TBCA: variants seen among roughly 807,000 people sequenced by gnomAD.
TBCA encodes tubulin-specific chaperone A.
A neutral mutation model predicts 15.8 loss-of-function variants in TBCA; 6 were observed. The ratio of observed to expected loss-of-function variants is 0.38; its 90% CI spans 0.21 to 0.75. The LOEUF is 0.75. TBCA is among the 30% of genes least tolerant of loss of function. TBCA has a pLI of 0.46. For synonymous variants in TBCA, 32 were observed against 42.3 expected (o/e 0.76, Z 0.94); for missense variants, 90 against 131.2 (o/e 0.69, Z 1.53).
intron 1 of TBCA, among the ~76,000 whole-genome samples, chr5:77,746,111 G>A (rs1284874125): frequency 2.0e-5 from 3 of 152,014 alleles, no homozygotes; most frequent in Non-Finnish European, 4.4e-5. Context: ...AGAGATATCT[G>A]AAAGTTGCCA....
chr5:77,702,193 T>A (rs961931939), intron 2 of TBCA, among the ~76,000 whole-genome samples: 4 of 151,844 alleles, frequency 2.6e-5, no homozygotes, highest in African/African-American at 9.7e-5. Context: ...ACAGAAATAA[T>A]AAAATAAAAT....
chr5:77,734,855 C>T (rs1316938347), intron 1 of TBCA, among the ~76,000 whole-genome samples: 1 of 152,198 alleles, frequency 6.6e-6, no homozygotes, highest in Non-Finnish European at 1.5e-5. Flanking sequence ...GCCACCCCAT[C>T]CTTCAGCAAC....
At chr5:77,754,135 T>C (rs193046055) in intron 1 of TBCA, among the ~76,000 whole-genome samples, 11 of 152,344 alleles carry the variant, frequency 7.2e-5, no homozygotes, top group Non-Finnish European at 1.3e-4. Flanking sequence ...CTGGACTCTA[T>C]GGCTTGTCCT....
intron 1 of TBCA, among the ~76,000 whole-genome samples, chr5:77,718,985 C>T (rs1485544668): frequency 6.6e-6 from 1 of 152,184 alleles, no homozygotes; most frequent in East Asian, 1.9e-4. Flanking sequence ...TTATCTGCAT[C>T]ATCACAATAG....
chr5:77,710,906 A>C (rs1746264118), intron 1 of TBCA, among the ~76,000 whole-genome samples: 1 of 152,226 alleles, frequency 6.6e-6, no homozygotes, highest in African/African-American at 2.4e-5. Flanking sequence ...CTGGATTAGC[A>C]ATGAGACTTT....
intron 2 of TBCA, among the ~76,000 whole-genome samples, chr5:77,704,993 C>G (rs1051530513): frequency 3.9e-5 from 6 of 151,918 alleles, no homozygotes; most frequent in African/African-American, 1.5e-4. Context: ...TTTTTTTTCC[C>G]CTTTTACATC....
chr5:77,758,663 T>A (rs1747534379), intron 1 of TBCA, among the ~76,000 whole-genome samples: 1 of 152,168 alleles, frequency 6.6e-6, no homozygotes. Flanking sequence ...ACTCTTCACT[T>A]AGTGTGGGCT....
chr5:77,745,665 T>C (rs1233616559), intron 1 of TBCA, among the ~76,000 whole-genome samples: 2 of 152,214 alleles, frequency 1.3e-5, no homozygotes, highest in African/African-American at 2.4e-5. Context: ...ATAACAAAGT[T>C]CTGGTGAACA....
chr5:77,745,499 C>T (rs1357869425), intron 1 of TBCA, among the ~76,000 whole-genome samples: 1 of 152,138 alleles, frequency 6.6e-6, no homozygotes, highest in African/African-American at 2.4e-5. Context: ...ATGAGGAAGA[C>T]ACTAGTCTGA....
At chr5:77,716,971 GT>G (rs1746412005) in intron 1 of TBCA, among the ~76,000 whole-genome samples, 1 of 152,186 alleles carries the variant, frequency 6.6e-6, no homozygotes, top group South Asian at 2.1e-4. Flanking sequence ...TCTGCTGGGG[GT>G]TCTGAGAAGG....
intron 1 of TBCA, among the ~76,000 whole-genome samples, chr5:77,775,174 T>C (rs1747992695): frequency 6.6e-6 from 1 of 152,138 alleles, no homozygotes; most frequent in Non-Finnish European, 1.5e-5. Context: ...CTGAGACAAA[T>C]GCGTAACTGA....
chr5:77,765,726 T>C (rs763656706), intron 1 of TBCA, among the ~76,000 whole-genome samples: 1 of 152,146 alleles, frequency 6.6e-6, no homozygotes, highest in Non-Finnish European at 1.5e-5. Flanking sequence ...GCCATCCTTA[T>C]AGCTGAGAAG....
intron 3 of TBCA, chr5:77,692,396 G>A (rs1745771865): frequency 1.0e-6 from 1 of 982,684 alleles, no homozygotes; most frequent in African/African-American, 1.8e-5. Context: ...CAGAGATATT[G>A]TTGAATACAT....
chr5:77,700,150 A>G (rs1423271365), intron 2 of TBCA, among the ~76,000 whole-genome samples: 1 of 151,748 alleles, frequency 6.6e-6, no homozygotes, highest in Non-Finnish European at 1.5e-5. Flanking sequence ...GGTTGCAGTG[A>G]GCCGCGATCT....
At chr5:77,709,596 T>C (rs1386769038) in intron 1 of TBCA, among the ~76,000 whole-genome samples, 2 of 152,134 alleles carry the variant, frequency 1.3e-5, no homozygotes, top group Non-Finnish European at 2.9e-5. Context: ...GCAATCAAAA[T>C]TGGTATAGTA....
intron 3 of TBCA, chr5:77,692,259 T>C (rs1357924108): frequency 1.0e-6 from 1 of 985,254 alleles, no homozygotes; most frequent in African/African-American, 1.7e-5. Context: ...GTATTTAATA[T>C]GAAAACTGAA....
At chr5:77,775,336 C>G (rs929391938) in intron 1 of TBCA, among the ~76,000 whole-genome samples, 2 of 152,206 alleles carry the variant, frequency 1.3e-5, no homozygotes, top group African/African-American at 4.8e-5. Context: ...CCATTTGTCT[C>G]TTATCTATGA....
intron 1 of TBCA, among the ~76,000 whole-genome samples, chr5:77,725,491 C>G (rs573086500): frequency 6.6e-6 from 1 of 152,132 alleles, no homozygotes; most frequent in African/African-American, 2.4e-5. Context: ...TAAATTCTAG[C>G]CTGATTGCTA....
intron 1 of TBCA, among the ~76,000 whole-genome samples, chr5:77,742,810 A>G (rs972864737): frequency 6.6e-6 from 1 of 152,184 alleles, no homozygotes; most frequent in Non-Finnish European, 1.5e-5. Context: ...TATGTTTGGT[A>G]TTACTCTAGT....
Sources: allele counts gnomAD v4.1 joint callset (sites outside exome capture counted in the v4.1 genomes callset), GRCh38; gene constraint gnomAD v4.1.1; transcripts MANE v1.5; gene names NCBI Gene and HGNC (gene_info 2026-07-23, HGNC 2026-07-21).